The following GRID1 variants were observed in gnomAD, a reference collection of about 807,000 sequenced individuals.
GRID1 encodes the protein glutamate ionotropic receptor delta type subunit 1, also known as glutamate receptor ionotropic, delta-1.
Under a neutral mutation model 98.0 loss-of-function variants are expected in GRID1, and 28 were observed. The observed-to-expected ratio is 0.29, with a 90% CI of 0.21 to 0.39. The LOEUF (loss-of-function observed/expected upper bound fraction) is 0.39, where lower values mean the gene tolerates loss of function less well. Ranked by LOEUF, GRID1 falls within the 10% of genes least tolerant of loss-of-function variation. GRID1 has a pLI of 1.00. For missense variants in GRID1, 1,111 were observed against 1,340.5 expected, an observed-to-expected ratio of 0.83 and a Z score of 2.67; for synonymous variants, 553 against 538.5, an observed-to-expected ratio of 1.03 and a Z score of -0.37.
At chr10:85,821,388 G>A (rs1037933365) in intron 8 of GRID1, among the ~76,000 whole-genome samples, 5 of 151,296 alleles carry the variant, frequency 3.3e-5, no homozygotes, top group Non-Finnish European at 7.4e-5. Flanking sequence ...ATGGTGGCAG[G>A]TGCGTGTAAT....
At chr10:86,253,093 G>A (rs1846862571) in intron 2 of GRID1, among the ~76,000 whole-genome samples, 1 of 152,222 alleles carries the variant, frequency 6.6e-6, no homozygotes, top group African/African-American at 2.4e-5. Flanking sequence ...AGCTCTCTGA[G>A]GTTACAATGA....
In GRID1 at chr10:85,647,417, C is replaced by T. The variant is rs187183879; in HGVS notation, c.1998-20G>A. The stretch of plus-strand genomic sequence containing the variant: ...AAAGTCCTGAAATGCAGAAAGGCAG[C>T]GAGGCATGAGTACATGCTGTGCATT... On this transcript the variant is annotated intron_variant, in intron 12 of 15. Coordinates refer to ENST00000327946, the MANE Select transcript of GRID1 (RefSeq NM_017551.3). The T allele has an allele frequency of 3.6e-5, 57 of 1,599,920 alleles. No individual in the cohort carries two copies. Among genetic ancestry groups the T allele is most frequent in the East Asian group, 1.8e-4 (8 of 44,768 alleles).
chr10:85,614,859 A>C (rs2132515876), intron 14 of GRID1, among the ~76,000 whole-genome samples: 1 of 152,292 alleles, frequency 6.6e-6, no homozygotes, highest in South Asian at 2.1e-4. Context: ...TGTAACCCAG[A>C]AGTCTTAACA....
chr10:85,643,527 A>G (rs972150233), intron 13 of GRID1, among the ~76,000 whole-genome samples: 2 of 152,218 alleles, frequency 1.3e-5, no homozygotes, highest in Admixed American at 6.5e-5. Flanking sequence ...GTAGGGAAGA[A>G]GACAGATTTC....
intron 2 of GRID1, among the ~76,000 whole-genome samples, chr10:86,237,340 G>A (rs1846555547): frequency 6.6e-6 from 1 of 152,148 alleles, no homozygotes; most frequent in South Asian, 2.1e-4. Flanking sequence ...AGATCATGAG[G>A]GTGGATTTCC....
intron 4 of GRID1, among the ~76,000 whole-genome samples, chr10:85,976,009 C>T (rs1371082132): frequency 6.6e-6 from 1 of 152,174 alleles, no homozygotes; most frequent in Non-Finnish European, 1.5e-5. Flanking sequence ...GCACCCTCTG[C>T]CTCTGTTCAC....
At chr10:85,809,214 GA>G (rs796811795) in intron 8 of GRID1, among the ~76,000 whole-genome samples, 8 of 149,750 alleles carry the variant, frequency 5.3e-5, no homozygotes, top group Admixed American at 1.3e-4. Flanking sequence ...ATAAAATGAG[GA>G]AAAAAACAGA....
At chr10:86,104,426 G>C (rs976946384) in intron 4 of GRID1, among the ~76,000 whole-genome samples, 3 of 152,174 alleles carry the variant, frequency 2.0e-5, no homozygotes, top group African/African-American at 7.2e-5. Flanking sequence ...ACACCCACTT[G>C]CTTAGCCAGG....
rs373540218 is a variant in GRID1 at position 85,727,925 on chromosome 10, G to T, written c.1463C>A (p.Pro488His). 6.2e-7 allele frequency: 1 copy of T among 1,613,992 alleles called. No homozygotes were observed. The highest frequency in any genetic ancestry group is 8.5e-7 in the Non-Finnish European group (1 of 1,179,938). The change falls in exon 10 of 16, where the codon CCT becomes CAT. Residue 488 changes from proline to histidine, a missense_variant. By Grantham distance (77) the Pro-to-His change is moderately conservative. Coordinates refer to ENST00000327946, the MANE Select transcript of GRID1 (RefSeq NM_017551.3). ...GAGCTGGTGACCGTACCTGCCATCA[G>T]GGGCTTGGTAAATCTCATATTTAAA... ...LGFKYEIYQA[P>H]DGRYGHQLHN...
intron 4 of GRID1, among the ~76,000 whole-genome samples, chr10:86,079,688 T>G (rs978520500): frequency 6.6e-6 from 1 of 152,158 alleles, no homozygotes; most frequent in African/African-American, 2.4e-5. Context: ...TGTCCTCCTC[T>G]GTCCATGGTG....
chr10:85,756,734 G>A (rs1482017617), intron 8 of GRID1, among the ~76,000 whole-genome samples: 1 of 152,188 alleles, frequency 6.6e-6, no homozygotes, highest in Admixed American at 6.5e-5. Context: ...CTGAAACCAT[G>A]AAAACTGAAA....
intron 8 of GRID1, among the ~76,000 whole-genome samples, chr10:85,774,311 T>A (rs1411636675): frequency 2.0e-5 from 3 of 152,174 alleles, no homozygotes; most frequent in Non-Finnish European, 4.4e-5. Flanking sequence ...TTACACCTTA[T>A]ACAAAAATTA....
chr10:86,283,793 C>T (rs891404355), intron 2 of GRID1, among the ~76,000 whole-genome samples: 6 of 150,604 alleles, frequency 4.0e-5, no homozygotes, highest in Non-Finnish European at 5.9e-5. Flanking sequence ...CACATCTGCC[C>T]TAATACACAC....
At chr10:86,220,309 G>T (rs1041647729) in intron 2 of GRID1, among the ~76,000 whole-genome samples, 1 of 152,162 alleles carries the variant, frequency 6.6e-6, no homozygotes, top group African/African-American at 2.4e-5. Context: ...TAAGAGGATA[G>T]GTTCTGGCAC....
chr10:85,878,776 A>G (rs1840952016), intron 5 of GRID1, among the ~76,000 whole-genome samples: 1 of 151,634 alleles, frequency 6.6e-6, no homozygotes, highest in Non-Finnish European at 1.5e-5. Flanking sequence ...AACAATATTA[A>G]CTTTAAATGT....
chr10:86,164,625 G>C (rs1460125669), intron 3 of GRID1, among the ~76,000 whole-genome samples: 2 of 152,190 alleles, frequency 1.3e-5, no homozygotes, highest in African/African-American at 2.4e-5. Context: ...CTTCATCAGG[G>C]GGTCAGGGAG....
chr10:85,709,945 GA>G (rs1029143188), intron 12 of GRID1, among the ~76,000 whole-genome samples: 3 of 151,248 alleles, frequency 2.0e-5, no homozygotes, highest in South Asian at 2.1e-4. Flanking sequence ...TTTAAAAGTT[GA>G]AAAAAAATAC....
chr10:85,626,289 C>G (rs1214755066), intron 13 of GRID1, among the ~76,000 whole-genome samples: 5 of 152,204 alleles, frequency 3.3e-5, no homozygotes. Flanking sequence ...AACAGTGGAG[C>G]CATGTCAACC....
intron 4 of GRID1, among the ~76,000 whole-genome samples, chr10:86,005,350 G>GAAAA (rs34746369): frequency 6.7e-6 from 1 of 148,588 alleles, no homozygotes. Context: ...AAAATAAATT[G>GAAAA]AAAAAAAAAA....
Sources: gnomAD v4.1 joint callset for allele counts (sites outside exome capture counted in the v4.1 genomes callset) on GRCh38, gnomAD v4.1.1 for gene constraint, MANE v1.5 for transcripts, NCBI Gene and HGNC (gene_info 2026-07-23, HGNC 2026-07-21) for gene names.